Variants in C7 observed in about 807,000 individuals in gnomAD.
C7 encodes the protein complement component C7.
Under a neutral mutation model 104.8 loss-of-function variants are expected in C7, and 83 were observed. The ratio of observed to expected loss-of-function variants is 0.79; its 90% CI spans 0.66 to 0.95. C7 has a LOEUF of 0.95. Among genes scored for constraint, C7 ranks in the 40% least tolerant of loss-of-function variants. The pLI is 0.00. For synonymous variants in C7, 415 were observed against 360.6 expected (o/e 1.15, Z -1.71); for missense variants, 1,070 against 1,011.2 (o/e 1.06, Z -0.79).
intron 5 of C7, 29 bp downstream of exon 5, chr5:40,936,514 A>T: frequency 6.3e-7 from 1 of 1,590,946 alleles, no homozygotes; most frequent in Non-Finnish European, 8.5e-7. Context: ...TCCTGAGTAC[A>T]TCAGTGAATT....
At chr5:40,950,045 AGCTT>A (rs1278828463) in intron 9 of C7, 31 bp downstream of exon 9, 196 of 1,291,344 alleles carry the variant, frequency 1.5e-4, no homozygotes, top group Non-Finnish European at 2.1e-4. Flanking sequence ...TTGCATTGCA[AGCTT>A]AACTTCTTTT....
chr5:40,958,146 G>T lies in C7; in HGVS notation c.1374G>T (p.Arg458=). The stretch of plus-strand genomic sequence containing the variant: ...ATGAATTTGACCCCTGTCATTGCCG[G>T]CCTTGTCAAAATGGTGGTTTGGCTA... ...YLDEFDPCHC[R]PCQNGGLATV... is the part of the protein sequence containing the mutation. Residue 458 remains arginine (R), a synonymous_variant, in exon 11 of 18, where the codon CGG becomes CGT. Transcript: ENST00000313164. 6.2e-7 allele frequency: 1 copy of T among 1,613,846 alleles called. No individual in the cohort carries two copies. Among genetic ancestry groups the T allele is most frequent in the Non-Finnish European group, 8.5e-7 (1 of 1,179,792 alleles).
At chr5:40,928,491 C>T in intron 1 of C7, 89 bp from the exon 2 acceptor site, 1 of 733,338 alleles carries the variant, frequency 1.4e-6, no homozygotes, top group Admixed American at 2.9e-5. Context: ...ACTTTGTACC[C>T]CATAAATTTA....
chr5:40,962,276 A>G (rs765484080), intron 13 of C7, 104 bp downstream of exon 13: 3 of 583,246 alleles, frequency 5.1e-6, no homozygotes, highest in Non-Finnish European at 5.7e-6. Context: ...CGTGCCAAAA[A>G]TATTTTATAT....
At chr5:40,916,382 G>A (rs1739317082) in intron 1 of C7, among the ~76,000 whole-genome samples, 1 of 152,158 alleles carries the variant, frequency 6.6e-6, no homozygotes, top group Non-Finnish European at 1.5e-5. Flanking sequence ...AATAAGATGA[G>A]AGTCACTGCC....
At chr5:40,917,004 G>A (rs138678270) in intron 1 of C7, among the ~76,000 whole-genome samples, 1 of 151,334 alleles carries the variant, frequency 6.6e-6, no homozygotes, top group South Asian at 2.1e-4. Context: ...GCATGTTGGC[G>A]CTCACCTGTA....
At chr5:40,968,851 A>G in intron 14 of C7, among the ~76,000 whole-genome samples, 1 of 151,338 alleles carries the variant, frequency 6.6e-6, no homozygotes, top group East Asian at 1.9e-4. Flanking sequence ...AGCTCAAGTG[A>G]TCTGCCTGCT....
intron 1 of C7, among the ~76,000 whole-genome samples, chr5:40,917,875 A>G (rs370912062): frequency 6.6e-6 from 1 of 152,334 alleles, no homozygotes; most frequent in East Asian, 1.9e-4. Context: ...TAGTAACACT[A>G]AAATAACTTT....
chr5:40,978,688 C>G (rs1012778469), intron 16 of C7, among the ~76,000 whole-genome samples: 3 of 152,118 alleles, frequency 2.0e-5, no homozygotes, highest in African/African-American at 7.2e-5. Context: ...TGAATATAGA[C>G]TCTTTCTGAC....
At chr5:40,968,655 A>G in intron 14 of C7, among the ~76,000 whole-genome samples, 1 of 118,378 alleles carries the variant, frequency 8.4e-6, no homozygotes, top group Admixed American at 1.2e-4. Flanking sequence ...CCTGTCACCC[A>G]TGCTGAAGTG....
chr5:40,923,271 A>G (rs1739479639), intron 1 of C7, among the ~76,000 whole-genome samples: 1 of 152,234 alleles, frequency 6.6e-6, no homozygotes, highest in Non-Finnish European at 1.5e-5. Flanking sequence ...GTTGCTATAA[A>G]GAAATACCTG....
At chr5:40,981,344 C>T in intron 17 of C7, 48 bp from the exon 18 acceptor site, 1 of 1,556,576 alleles carries the variant, frequency 6.4e-7, no homozygotes, top group East Asian at 2.3e-5. Context: ...TCTTTGACTC[C>T]CCGACCTCCA....
chr5:40,964,955 A>G, intron 14 of C7, 82 bp downstream of exon 14: 1 of 1,497,652 alleles, frequency 6.7e-7, no homozygotes, highest in Non-Finnish European at 9.2e-7. Flanking sequence ...CACTCACCAT[A>G]TGGCCCATGT....
rs371872071 is a variant in C7, at chr5:40,919,350, C to G, written c.7-9230C>G. On this transcript the variant is annotated intron_variant, in intron 1 of 17. Transcript: ENST00000313164. ...ATGTTGGCCAGGCTGGACTCAAACT[C>G]CTAACCTCAAGTGATCTGCCCACCT... Among the ~76,000 whole-genome samples, 7 of 152,180 alleles carry G rather than the reference C, an allele frequency of 4.6e-5. No individual in the cohort carries two copies. The East Asian group carries it at 7.7e-4, about 17-fold the overall frequency.
At chr5:40,933,787 A>G (rs1739746053) in intron 3 of C7, among the ~76,000 whole-genome samples, 1 of 152,078 alleles carries the variant, frequency 6.6e-6, no homozygotes, top group African/African-American at 2.4e-5. Flanking sequence ...CTTTCCCAGT[A>G]CCTTATCCTC....
chr5:40,950,706 A>G (rs2084624), intron 9 of C7, among the ~76,000 whole-genome samples: 19,267 of 152,246 alleles, frequency 0.13, 1,480 homozygotes, highest in South Asian at 0.17. Context: ...ATATGTTATC[A>G]GTGTGCAGCA....
chr5:40,968,080 T>C (rs1740597754), intron 14 of C7, among the ~76,000 whole-genome samples: 1 of 152,126 alleles, frequency 6.6e-6, no homozygotes. Context: ...CATCATTTTT[T>C]TGTTTGTTTT....
Position 40,947,525 on chromosome 5 carries a change from G to A in C7, c.739-77G>A. On this transcript the variant is annotated intron_variant, in intron 7 of 17. Transcript: ENST00000313164. The stretch of plus-strand genomic sequence containing the variant: ...TGATTGGAGATGAGAGCTGATGAAG[G>A]TATTGAACAGAGAACTATTTCCATT... The A allele has an allele frequency of 3.4e-6, 5 of 1,472,094 alleles. No homozygotes were observed. The African/African-American group carries it at 5.6e-5, about 16-fold the overall frequency. The allele number at this position is 1,472,094 out of a possible 1,614,324, so 91.2% of individuals were successfully genotyped here.
At chr5:40,949,787 C>A in intron 8 of C7, 117 bp from the exon 9 acceptor site, 3 of 672,820 alleles carry the variant, frequency 4.5e-6, no homozygotes, top group Non-Finnish European at 7.9e-6. Context: ...CATATCATGT[C>A]ACTCTTGATT....
Sources: allele counts gnomAD v4.1 joint callset (sites outside exome capture counted in the v4.1 genomes callset), GRCh38; gene constraint gnomAD v4.1.1; transcripts MANE v1.5; gene names NCBI Gene and HGNC (gene_info 2026-07-23, HGNC 2026-07-21).